Variants in DNAH3 observed in about 807,000 individuals in gnomAD.
The protein encoded by DNAH3 is dynein axonemal heavy chain 3.
In DNAH3, 332 loss-of-function variants were observed where a neutral mutation model predicts 432.5. That is an observed-to-expected ratio of 0.77 (90% CI 0.70 to 0.84). The LOEUF (loss-of-function observed/expected upper bound fraction) is 0.84, where lower values mean the gene tolerates loss of function less well. Among genes scored for constraint, DNAH3 ranks in the 40% least tolerant of loss-of-function variants. DNAH3 has a pLI of 0.00. For synonymous variants in DNAH3, 1,956 were observed against 1,900.2 expected (o/e 1.03, Z -0.76); for missense variants, 4,861 against 5,114.0 (o/e 0.95, Z 1.51).
intron 44 of DNAH3, among the ~76,000 whole-genome samples, chr16:20,990,321 GTATC>G (rs756219167): frequency 1.3e-5 from 2 of 152,124 alleles, no homozygotes; most frequent in Admixed American, 6.5e-5. Flanking sequence ...ATAGATCTAT[GTATC>G]TGTCTAATCT....
chr16:21,146,865 A>AT (rs1454690012), intron 1 of DNAH3, among the ~76,000 whole-genome samples: 1 of 150,418 alleles, frequency 6.6e-6, no homozygotes, highest in Non-Finnish European at 1.5e-5. Context: ...GGGTCAAGTG[A>AT]TTCTCCTCCC....
chr16:21,036,767 T>A (rs1467854864), exon 35 of DNAH3: 16 of 1,614,034 alleles, frequency 9.9e-6, no homozygotes, highest in Non-Finnish European at 1.3e-5. Context: ...ATCTTTTTGA[T>A]GTTATCATTC....
At chr16:21,086,981 C>T (rs760377529) in exon 19 of DNAH3, 1 of 1,614,180 alleles carries the variant, frequency 6.2e-7, no homozygotes, top group South Asian at 1.1e-5. Flanking sequence ...CAGACAAGGT[C>T]TTGATCAGTT....
At chr16:21,037,569 T>C (rs1474511923) in intron 34 of DNAH3, among the ~76,000 whole-genome samples, 192 bp downstream of exon 34, 1 of 152,208 alleles carries the variant, frequency 6.6e-6, no homozygotes, top group Non-Finnish European at 1.5e-5. Context: ...ACCATTTTTA[T>C]TAAAAATCAG....
At chr16:21,136,504 A>T (rs771532536) in exon 6 of DNAH3, 19 of 1,614,082 alleles carry the variant, frequency 1.2e-5, no homozygotes, top group Middle Eastern at 1.6e-4. Context: ...GTCAGATAGT[A>T]ATAGTATCTC....
chr16:20,955,927 AT>A (rs1169972852), intron 54 of DNAH3, among the ~76,000 whole-genome samples: 2 of 150,632 alleles, frequency 1.3e-5, no homozygotes, highest in Non-Finnish European at 3.0e-5. Context: ...ATCTTATTTT[AT>A]TTTTATTTTC....
At chr16:21,152,618 C>G (rs1055530357) in intron 1 of DNAH3, among the ~76,000 whole-genome samples, 3 of 152,244 alleles carry the variant, frequency 2.0e-5, no homozygotes, top group Non-Finnish European at 4.4e-5. Flanking sequence ...AGCGGGAACC[C>G]GGGCTGCGCA....
chr16:20,969,426 TTCTCTC>T (rs145402033), intron 52 of DNAH3, among the ~76,000 whole-genome samples: 7 of 149,962 alleles, frequency 4.7e-5, no homozygotes, highest in Non-Finnish European at 7.4e-5. Context: ...CTTTCTCTGC[TTCTCTC>T]TCTCTCTCTC....
At chr16:20,962,523 A>G (rs2084873386) in intron 53 of DNAH3, among the ~76,000 whole-genome samples, 1 of 152,210 alleles carries the variant, frequency 6.6e-6, no homozygotes, top group African/African-American at 2.4e-5. Context: ...TCATGCTGAC[A>G]ATGCCTGAGT....
chr16:20,982,184 G>A (rs2085941109), intron 49 of DNAH3, among the ~76,000 whole-genome samples: 1 of 151,956 alleles, frequency 6.6e-6, no homozygotes, highest in East Asian at 1.9e-4. Flanking sequence ...AGGAGTTCGA[G>A]ACCACCCTGG....
At chr16:20,937,673 C>T (rs1284907207) in intron 59 of DNAH3, among the ~76,000 whole-genome samples, 1 of 151,500 alleles carries the variant, frequency 6.6e-6, no homozygotes, top group Non-Finnish European at 1.5e-5. Flanking sequence ...GGACTACAGG[C>T]ACATGCCACT....
rs1375660048 is a variant in DNAH3, at chr16:21,040,362, T to C, written c.4639-419A>G. Among the ~76,000 whole-genome samples, 45 of 132,438 alleles carry C rather than the reference T, an allele frequency of 3.4e-4. 5 individuals are homozygous for C. Among genetic ancestry groups the C allele is most frequent in the African/African-American group, 6.6e-4 (22 of 33,186 alleles). The allele number at this position is 132,438 out of a possible 152,430, so 86.9% of individuals were successfully genotyped here. A position where few individuals can be genotyped will look rare whatever the true frequency, so the allele number is the denominator to read the frequency against. ...AAGAATCCCAAAGCCAGACAGATTT[T>C]TTTTTTTTTTTTTTTTTTTTTTTTA... On this transcript the variant is annotated intron_variant, in intron 32 of 61. Transcript: ENST00000261383.
At chr16:20,939,606 C>CT (rs2083727514) in intron 59 of DNAH3, among the ~76,000 whole-genome samples, 1 of 137,598 alleles carries the variant, frequency 7.3e-6, no homozygotes, top group Non-Finnish European at 1.6e-5. Flanking sequence ...GAGTGAGACT[C>CT]TGTCTCAAAA....
At chr16:21,017,993 T>C (rs1029793223) in intron 41 of DNAH3, among the ~76,000 whole-genome samples, 19 of 151,900 alleles carry the variant, frequency 1.3e-4, no homozygotes, top group East Asian at 3.8e-4. Flanking sequence ...CTTTAATCTA[T>C]CTTTTTTTTA....
chr16:21,081,540 A>C, intron 20 of DNAH3, 96 bp downstream of exon 20: 1 of 1,016,922 alleles, frequency 9.8e-7, no homozygotes. Flanking sequence ...CAAGGAAAAA[A>C]AAACAAACAG....
chr16:20,948,984 G>C (rs1445151702), intron 56 of DNAH3, among the ~76,000 whole-genome samples: 1 of 152,138 alleles, frequency 6.6e-6, no homozygotes, highest in African/African-American at 2.4e-5. Context: ...CTGGACATCA[G>C]AGAGAAGAGG....
chr16:20,951,555 C>G, intron 56 of DNAH3, among the ~76,000 whole-genome samples: 1 of 151,670 alleles, frequency 6.6e-6, no homozygotes, highest in South Asian at 2.1e-4. Context: ...GCAATCCTCC[C>G]ACCTTAGTCC....
chr16:21,087,380 C>G (rs1174624745), intron 18 of DNAH3, among the ~76,000 whole-genome samples: 1 of 152,122 alleles, frequency 6.6e-6, no homozygotes, highest in East Asian at 1.9e-4. Flanking sequence ...ATATCAATAG[C>G]TTTTTGTTTT....
chr16:20,975,568 T>A (rs193245786), intron 50 of DNAH3, among the ~76,000 whole-genome samples, 153 bp from the exon 51 acceptor site: 317 of 152,348 alleles, frequency 2.1e-3, no homozygotes, highest in Non-Finnish European at 3.7e-3. Flanking sequence ...TTCCTAGTGA[T>A]TATCTCATAG....
Sources: gnomAD v4.1 joint callset for allele counts (sites outside exome capture counted in the v4.1 genomes callset) on GRCh38, gnomAD v4.1.1 for gene constraint, MANE v1.5 for transcripts, NCBI Gene and HGNC (gene_info 2026-07-23, HGNC 2026-07-21) for gene names.